The following SORCS3 variants were observed in gnomAD, a reference collection of about 807,000 sequenced individuals.
The protein encoded by SORCS3 is sortilin related VPS10 domain containing receptor 3.
In SORCS3, 57 loss-of-function variants were observed where a neutral mutation model predicts 146.3. The ratio of observed to expected loss-of-function variants is 0.39; its 90% CI spans 0.31 to 0.49. The LOEUF is 0.49. Ranked by LOEUF, SORCS3 falls within the 20% of genes least tolerant of loss-of-function variation. The pLI, the probability that SORCS3 is intolerant of heterozygous loss-of-function variation, is 0.92. For synonymous variants in SORCS3, 653 were observed against 618.5 expected, an observed-to-expected ratio of 1.06 and a Z score of -0.83; for missense variants, 1,341 against 1,575.5, an observed-to-expected ratio of 0.85 and a Z score of 2.52.
rs141878554 is a variant in SORCS3 at position 104,881,774 on chromosome 10, G to A, written c.696-34059G>A. Among the ~76,000 whole-genome samples, 810 of 152,246 alleles carry A rather than the reference G, an allele frequency of 5.3e-3. 19 individuals are homozygous for A. The highest frequency in any genetic ancestry group is 0.031 in the Admixed American group (470 of 15,292). On this transcript the variant is annotated intron_variant, in intron 2 of 26. Coordinates refer to ENST00000369701, the MANE Select transcript of SORCS3 (RefSeq NM_014978.3). ...CAAAGCAAAAAGACTATGAAATGAG[G>A]TGTAACATCAGACTGCGATGCTAGC...
At chr10:105,251,981 A>G (rs1430097152) in intron 22 of SORCS3, among the ~76,000 whole-genome samples, 1 of 152,184 alleles carries the variant, frequency 6.6e-6, no homozygotes, top group African/African-American at 2.4e-5. Context: ...ATGTTGTCTC[A>G]TAGTACTTAT....
chr10:105,248,489 G>A (rs2056880349), intron 22 of SORCS3, among the ~76,000 whole-genome samples: 1 of 152,120 alleles, frequency 6.6e-6, no homozygotes, highest in African/African-American at 2.4e-5. Flanking sequence ...CGAGGCGGGT[G>A]TATCACCTGA....
In SORCS3 at chr10:104,897,044, G is replaced by A. The variant is rs12220350; in HGVS notation, c.696-18789G>A. The stretch of plus-strand genomic sequence containing the variant: ...TAGCATGCTGGGCTCACTCTTTTGG[G>A]TGCTGCTCATACAGTGAAACTCATT... On this transcript the variant is annotated intron_variant, in intron 2 of 26. Transcript: ENST00000369701. Among the ~76,000 whole-genome samples, 34 of 152,282 alleles carry A rather than the reference G, an allele frequency of 2.2e-4. No individual in the cohort carries two copies. In the East Asian group the frequency reaches 5.8e-3, roughly 26 times the overall value.
chr10:105,191,787 C>T (rs2056518543), intron 14 of SORCS3, among the ~76,000 whole-genome samples: 1 of 152,132 alleles, frequency 6.6e-6, no homozygotes. Flanking sequence ...GTTCATGCTC[C>T]TGTGAGAATC....
intron 20 of SORCS3, among the ~76,000 whole-genome samples, chr10:105,242,511 TTTATATACATTTATATATATTTA>T (rs1464754361): frequency 9.4e-6 from 1 of 106,936 alleles, no homozygotes; most frequent in African/African-American, 3.9e-5. Context: ...TTTATATATA[TTTATATACATTTATATATATTTA>T]TATATATTTA....
intron 7 of SORCS3, among the ~76,000 whole-genome samples, chr10:105,115,325 C>T (rs74157438): frequency 0.024 from 3,724 of 152,202 alleles, 155 homozygotes; most frequent in African/African-American, 0.084. Flanking sequence ...ATGCTTTGAA[C>T]GCTACAAAGC....
chr10:105,216,854 A>T, intron 18 of SORCS3, 82 bp from the exon 19 acceptor site: 1 of 1,374,052 alleles, frequency 7.3e-7, no homozygotes. Flanking sequence ...TCAGAGGTTG[A>T]TGCTGAAGCA....
chr10:105,171,356 C>A (rs1451853328), intron 13 of SORCS3, among the ~76,000 whole-genome samples: 3 of 152,124 alleles, frequency 2.0e-5, no homozygotes, highest in Non-Finnish European at 4.4e-5. Context: ...ACCTGAGAAG[C>A]ATTAGAGTGA....
chr10:105,262,308 G>C, intron 25 of SORCS3, 23 bp from the exon 26 acceptor site: 1 of 1,606,586 alleles, frequency 6.2e-7, no homozygotes, highest in Non-Finnish European at 8.5e-7. Flanking sequence ...ATCTTAACCT[G>C]ATTTTGCTCC....
intron 6 of SORCS3, among the ~76,000 whole-genome samples, chr10:105,093,170 C>T (rs1589629239): frequency 6.6e-6 from 1 of 152,110 alleles, no homozygotes; most frequent in Non-Finnish European, 1.5e-5. Context: ...TATTTTCAAT[C>T]AATGGTATTG....
intron 24 of SORCS3, among the ~76,000 whole-genome samples, chr10:105,256,267 A>C (rs191993760): frequency 6.6e-6 from 1 of 152,268 alleles, no homozygotes. Context: ...TAGTTGGCTT[A>C]TTTGTGAAAA....
chr10:104,906,876 A>G (rs1030040060), intron 2 of SORCS3, among the ~76,000 whole-genome samples: 2 of 152,204 alleles, frequency 1.3e-5, no homozygotes, highest in Non-Finnish European at 2.9e-5. Flanking sequence ...AGTAAATTCA[A>G]GTGCTTCTAG....
intron 10 of SORCS3, among the ~76,000 whole-genome samples, 164 bp from the exon 11 acceptor site, chr10:105,158,728 C>T (rs2056233748): frequency 6.6e-6 from 1 of 152,156 alleles, no homozygotes. Context: ...TGTGAGCATA[C>T]CAGCTATCTC....
At chr10:105,078,144 CAGTTAATTGCCT>C (rs2055600798) in intron 5 of SORCS3, among the ~76,000 whole-genome samples, 3 of 152,148 alleles carry the variant, frequency 2.0e-5, no homozygotes, top group Admixed American at 2.0e-4. Context: ...AGACTTTATT[CAGTTAATTGCCT>C]AGAGATTAAT....
chr10:105,168,275 A>C (rs1442501394), intron 13 of SORCS3, among the ~76,000 whole-genome samples: 2 of 152,178 alleles, frequency 1.3e-5, no homozygotes, highest in Non-Finnish European at 2.9e-5. Context: ...AATGGAGCTG[A>C]CAGTGTATAT....
chr10:105,110,276 CTT>C (rs1287426385), intron 7 of SORCS3, among the ~76,000 whole-genome samples: 5 of 151,878 alleles, frequency 3.3e-5, no homozygotes, highest in Non-Finnish European at 5.9e-5. Flanking sequence ...GCTTCAAACC[CTT>C]CTCTTATAGA....
At chr10:104,900,482 T>C (rs984298367) in intron 2 of SORCS3, among the ~76,000 whole-genome samples, 1 of 152,190 alleles carries the variant, frequency 6.6e-6, no homozygotes, top group Admixed American at 6.5e-5. Context: ...CAAACAGGCT[T>C]TATATTCCTA....
chr10:104,890,012 A>G (rs1589537804), intron 2 of SORCS3, among the ~76,000 whole-genome samples: 1 of 152,020 alleles, frequency 6.6e-6, no homozygotes, highest in African/African-American at 2.4e-5. Context: ...CTTTCTTATC[A>G]TTTACATTGT....
chr10:104,866,168 G>A (rs2018457042), intron 2 of SORCS3, among the ~76,000 whole-genome samples: 1 of 152,198 alleles, frequency 6.6e-6, no homozygotes, highest in Admixed American at 6.5e-5. Context: ...TCAGGTACTT[G>A]AGGGTTTGAA....
Sources: allele counts gnomAD v4.1 joint callset (sites outside exome capture counted in the v4.1 genomes callset), GRCh38; gene constraint gnomAD v4.1.1; transcripts MANE v1.5; gene names NCBI Gene and HGNC (gene_info 2026-07-23, HGNC 2026-07-21).